Variants in CRYBG1 observed in about 807,000 individuals in gnomAD.
CRYBG1 encodes beta/gamma crystallin domain-containing protein 1.
In CRYBG1, 139 loss-of-function variants were observed where a neutral mutation model predicts 189.2. That is an observed-to-expected ratio of 0.73 (90% CI 0.64 to 0.85). CRYBG1 has a LOEUF of 0.85. CRYBG1 is among the 40% of genes least tolerant of loss of function. CRYBG1 has a pLI of 0.00. For missense variants in CRYBG1, 2,611 were observed against 2,675.8 expected (o/e 0.98, Z 0.53); for synonymous variants, 1,023 against 1,017.1 (o/e 1.01, Z -0.11).
chr6:106,482,872 C>A (rs926922104), intron 2 of CRYBG1, among the ~76,000 whole-genome samples: 1 of 152,092 alleles, frequency 6.6e-6, no homozygotes, highest in East Asian at 1.9e-4. Flanking sequence ...TAATTGACAT[C>A]TTGTAATTGT....
At chr6:106,444,802 G>T (rs935887629) in intron 1 of CRYBG1, among the ~76,000 whole-genome samples, 2 of 152,118 alleles carry the variant, frequency 1.3e-5, no homozygotes, top group Admixed American at 1.3e-4. Context: ...AAACATTTCT[G>T]CACCACACAG....
chr6:106,473,972 C>G (rs1454658314), intron 2 of CRYBG1, among the ~76,000 whole-genome samples: 2 of 152,170 alleles, frequency 1.3e-5, no homozygotes, highest in Admixed American at 1.3e-4. Flanking sequence ...AAGAAGAACA[C>G]TACTTGCTTA....
chr6:106,518,973 G>GTGCACACA (rs1554188393), intron 3 of CRYBG1, among the ~76,000 whole-genome samples, 158 bp from the exon 4 acceptor site: 5 of 41,700 alleles, frequency 1.2e-4, no homozygotes, highest in African/African-American at 3.5e-4. Flanking sequence ...ACACATGTGT[G>GTGCACACA]CGCACACACA....
chr6:106,519,188 T>G lies in CRYBG1; in HGVS notation c.1980T>G (p.Ser660Arg). Residue 660 changes from serine (S) to arginine (R), a missense_variant, in exon 4 of 22, where the codon AGT becomes AGG. Transcript: ENST00000633556. ...TTAAAACCCCTAAGAATCTTGACAG[T>G]TTGGGAAATGAGCACAATCCATTTA... The part of the protein sequence containing the change: ...LNLKTPKNLD[S>R]LGNEHNPFSQ... 1 of 1,614,034 alleles carries G rather than the reference T, an allele frequency of 6.2e-7. No homozygotes were observed. The highest frequency in any genetic ancestry group is 8.5e-7 in the Non-Finnish European group (1 of 1,179,998).
chr6:106,556,443 GTTA>G (rs1442622473), intron 17 of CRYBG1, among the ~76,000 whole-genome samples: 3 of 152,260 alleles, frequency 2.0e-5, no homozygotes, highest in African/African-American at 7.2e-5. Flanking sequence ...ACCTTTGGTT[GTTA>G]TTATTGAAGA....
In CRYBG1 at chr6:106,547,022, C is replaced by T. The variant is rs377233144; in HGVS notation, c.5312+2089C>T. Among the ~76,000 whole-genome samples the T allele has an allele frequency of 2.0e-4, 30 of 152,270 alleles. No homozygotes were observed. In the East Asian group the frequency reaches 5.8e-3, roughly 29 times the overall value. ...AATCTCCTTTCCTTTTTAACCCAGG[C>T]CTTGCTTACTTGAAATCAGTTCCCT... On this transcript the variant is annotated intron_variant, in intron 13 of 21. Transcript: ENST00000633556.
At chr6:106,393,680 CTTTTT>C (rs3047147) in intron 1 of CRYBG1, among the ~76,000 whole-genome samples, 6 of 142,140 alleles carry the variant, frequency 4.2e-5, no homozygotes, top group Non-Finnish European at 7.6e-5. Flanking sequence ...TTTCCTCTTC[CTTTTT>C]TTTTTTTTTT....
intron 1 of CRYBG1, among the ~76,000 whole-genome samples, chr6:106,362,612 G>A (rs1215976153): frequency 1.3e-5 from 2 of 152,178 alleles, no homozygotes. Flanking sequence ...GTTGCAGCGG[G>A]GAGGTCTAGG....
chr6:106,496,927 C>T (rs554507523), intron 2 of CRYBG1, among the ~76,000 whole-genome samples: 7 of 152,280 alleles, frequency 4.6e-5, no homozygotes, highest in East Asian at 3.9e-4. Flanking sequence ...GAGAGCCTGG[C>T]GCACAGGCTT....
rs34773477 is a variant in CRYBG1 at position 106,566,464 on chromosome 6, CTTTT to C, written c.6302-1986_6302-1983del. On this transcript the variant is annotated intron_variant, in intron 21 of 21. Transcript: ENST00000633556. ...TATCTAGCACGGTAGCAACAACAGT[CTTTT>C]TTTTTTTTTTTTTTTTTTTTTGAGA... is the stretch of plus-strand genomic sequence containing the variant. Among the ~76,000 whole-genome samples, 308 of 71,632 alleles carry C rather than the reference CTTTT, an allele frequency of 4.3e-3. 2 individuals are homozygous for C. The highest frequency in any genetic ancestry group is 0.019 in the African/African-American group (299 of 15,910). The allele number at this position is 71,632 out of a possible 152,430, so 47.0% of individuals were successfully genotyped here. A position where few individuals can be genotyped will look rare whatever the true frequency, so the allele number is the denominator to read the frequency against.
intron 7 of CRYBG1, among the ~76,000 whole-genome samples, chr6:106,529,943 G>C (rs1166696835): frequency 6.6e-6 from 1 of 152,202 alleles, no homozygotes; most frequent in Admixed American, 6.5e-5. Context: ...GATGATCTTT[G>C]CTTGAATGCA....
In CRYBG1 at chr6:106,400,136, CAA is replaced by C. The variant is rs11286627; in HGVS notation, c.173+39075_173+39076del. Among the ~76,000 whole-genome samples, 520 of 76,376 alleles carry C rather than the reference CAA, an allele frequency of 6.8e-3. 3 individuals carry two copies. Among genetic ancestry groups the C allele is most frequent in the East Asian group, 0.033 (77 of 2,310 alleles). 50.1% of individuals were successfully genotyped at this position (76,376 alleles called of 152,430 possible). On this transcript the variant is annotated intron_variant, in intron 1 of 21. Transcript: ENST00000633556. ...GGGTGACAAGAGTGAGACTCCATCT[CAA>C]AAAAAAAAAAAAAAAAAAAGAGAGA...
In CRYBG1 at chr6:106,512,549, G is replaced by A. The variant is rs1421127063; in HGVS notation, c.1432G>A (p.Val478Ile). 1.2e-6 allele frequency: 2 copies of A among 1,607,312 alleles called. No homozygotes were observed. Among genetic ancestry groups the A allele is most frequent in the African/African-American group, 1.3e-5 (1 of 74,830 alleles). The change falls in exon 3 of 22, where the codon GTT (valine) becomes ATT (isoleucine). Residue 478 changes from valine (V) to isoleucine (I), a missense_variant. Physicochemically the swap from Val to Ile is conservative, Grantham distance 29 (BLOSUM62 3). Coordinates refer to ENST00000633556, the MANE Select transcript of CRYBG1 (RefSeq NM_001371242.2). ...TCCGCGGGCAGCCCTCGACGGGGGC[G>A]TTGCCTCCGCTGCGAGCCCAGAGTC... ...KSPRAALDGG[V>I]ASAASPESKP...
chr6:106,558,745 T>A (rs11964773), intron 18 of CRYBG1, 120 bp downstream of exon 18: 36,456 of 764,924 alleles, frequency 0.048, 1,019 homozygotes, highest in South Asian at 0.11. Context: ...GAAGGATCAT[T>A]TGAATCCAGG....
intron 2 of CRYBG1, among the ~76,000 whole-genome samples, chr6:106,482,152 AGTT>A (rs1772476748): frequency 6.6e-6 from 1 of 152,204 alleles, no homozygotes; most frequent in African/African-American, 2.4e-5. Flanking sequence ...AACCTCACGT[AGTT>A]GTTGGCAGAA....
At chr6:106,452,618 C>A (rs1044836577) in intron 2 of CRYBG1, among the ~76,000 whole-genome samples, 5 of 152,052 alleles carry the variant, frequency 3.3e-5, no homozygotes, top group Admixed American at 1.3e-4. Flanking sequence ...ATAAAAAGCA[C>A]TTATGCTTTT....
rs186213269 is a variant in CRYBG1 at position 106,386,223 on chromosome 6, T to C, written c.173+25142T>C. On this transcript the variant is annotated intron_variant, in intron 1 of 21. Transcript: ENST00000633556. Reference sequence around the variant, plus strand: ...TTTCTTTTTGTTGGCAGTCTTATAGTCTTCTGCTGTCTAATCACTGGGTCT... The same window carrying C: ...TTTCTTTTTGTTGGCAGTCTTATAGCCTTCTGCTGTCTAATCACTGGGTCT... Among the ~76,000 whole-genome samples the C allele has an allele frequency of 3.0e-4, 45 of 152,338 alleles. No individual in the cohort carries two copies. In the East Asian group the frequency reaches 6.9e-3, roughly 23 times the overall value.
intron 1 of CRYBG1, among the ~76,000 whole-genome samples, chr6:106,417,331 C>T (rs191286494): frequency 2.0e-4 from 31 of 152,194 alleles, no homozygotes; most frequent in Admixed American, 1.1e-3. Context: ...TAAGATGTAA[C>T]GCTCAAGGTT....
intron 1 of CRYBG1, among the ~76,000 whole-genome samples, chr6:106,377,013 T>C (rs1406095284): frequency 6.6e-6 from 1 of 152,210 alleles, no homozygotes; most frequent in Non-Finnish European, 1.5e-5. Context: ...AATCAATTCT[T>C]ATAAACATTG....
Sources: allele counts gnomAD v4.1 joint callset (sites outside exome capture counted in the v4.1 genomes callset), GRCh38; gene constraint gnomAD v4.1.1; transcripts MANE v1.5; gene names NCBI Gene and HGNC (gene_info 2026-07-23, HGNC 2026-07-21).